Variants in TLN2 observed in about 807,000 individuals in gnomAD.
TLN2 encodes the protein talin 2.
TLN2 carries 118 observed loss-of-function variants against 294.7 expected under a neutral mutation model. That is an observed-to-expected ratio of 0.40 (90% CI 0.34 to 0.47). TLN2 has a LOEUF of 0.47. Among genes scored for constraint, TLN2 ranks in the 20% least tolerant of loss-of-function variants. The probability of loss-of-function intolerance (pLI) is 0.84; values close to 1 mark genes in which losing one functional copy is unlikely to be tolerated. For synonymous variants in TLN2, 1,431 were observed against 1,304.5 expected (o/e 1.10, Z -2.09); for missense variants, 3,083 against 3,282.2 (o/e 0.94, Z 1.48).
chr15:62,820,065 C>G (rs900316090), intron 53 of TLN2, among the ~76,000 whole-genome samples: 1 of 152,186 alleles, frequency 6.6e-6, no homozygotes, highest in Non-Finnish European at 1.5e-5. Context: ...ATTTCCTTTA[C>G]TTTGAATTAA....
At chr15:62,732,098 G>C (rs2060761674) in intron 28 of TLN2, among the ~76,000 whole-genome samples, 1 of 152,152 alleles carries the variant, frequency 6.6e-6, no homozygotes, top group Admixed American at 6.5e-5. Context: ...AGCATTCTAG[G>C]AGGAGGAAAG....
chr15:62,697,797 G>T lies in TLN2; in HGVS notation c.1402G>T (p.Val468Phe), dbSNP rs200753658. The T allele has an allele frequency of 1.1e-5, 17 of 1,612,592 alleles. No individual in the cohort carries two copies. Among genetic ancestry groups the T allele is most frequent in the Non-Finnish European group, 2.5e-6 (3 of 1,179,688 alleles). ...CTCCAGCGGGCCTGAGACCTTCAAC[G>T]TTGGCAGCATGCCCTCGCCACAGCA... Reference protein sequence around the residue: ...SGSSGPETFNVGSMPSPQQQV... With the variant: ...SGSSGPETFNFGSMPSPQQQV... The change falls in exon 15 of 59, where the codon GTT becomes TTT. Residue 468 changes from valine to phenylalanine, a missense_variant. Physicochemically the swap from Val to Phe is conservative, Grantham distance 50. Coordinates refer to ENST00000636159, the MANE Select transcript of TLN2 (RefSeq NM_015059.3).
rs148665697 is a variant in TLN2 at position 62,697,778 on chromosome 15, C to T, written c.1383C>T (p.Ser461=). 1.6e-5 allele frequency: 25 copies of T among 1,612,632 alleles called. No individual in the cohort carries two copies. Among genetic ancestry groups the T allele is most frequent in the East Asian group, 6.7e-5 (3 of 44,778 alleles). ...ALPAVMRSGS[S]GPETFNVGSM... is the part of the protein sequence containing the mutation. ...CGGCCGTGATGCGCTCGGGCTCCAG[C>T]GGGCCTGAGACCTTCAACGTTGGCA... The change falls in exon 15 of 59, where the codon AGC becomes AGT. Residue 461 remains serine, a synonymous_variant. Transcript: ENST00000636159.
intron 1 of TLN2, among the ~76,000 whole-genome samples, chr15:62,397,878 A>G (rs967456540): frequency 5.9e-5 from 9 of 152,114 alleles, no homozygotes; most frequent in African/African-American, 2.2e-4. Flanking sequence ...GTTTCTTTCC[A>G]TCCAATCCCT....
At chr15:62,525,464 C>G (rs896627452) in intron 1 of TLN2, among the ~76,000 whole-genome samples, 2 of 152,230 alleles carry the variant, frequency 1.3e-5, no homozygotes, top group African/African-American at 4.8e-5. Context: ...CCCCTGGGGA[C>G]AACCATACCC....
rs139289646 is a variant in TLN2, at chr15:62,642,598, G to A, written c.-36-4677G>A. ...TTCAGTGGATGTAAATTTCTCACAA[G>A]TGTGGAAAATACACACTCATCTTTA... On this transcript the variant is annotated intron_variant, in intron 3 of 58. Coordinates refer to ENST00000636159, the MANE Select transcript of TLN2 (RefSeq NM_015059.3). 2.4e-4 allele frequency among the ~76,000 whole-genome samples: 36 copies of A among 152,128 alleles called. No homozygotes were observed. The East Asian group carries it at 7.0e-3, about 29-fold the overall frequency.
chr15:62,729,582 T>C (rs2060610330), intron 28 of TLN2, among the ~76,000 whole-genome samples: 1 of 152,212 alleles, frequency 6.6e-6, no homozygotes, highest in Non-Finnish European at 1.5e-5. Flanking sequence ...GTGCATGACA[T>C]ACCTTTTTTC....
chr15:62,764,737 C>T (rs529235314), intron 40 of TLN2, among the ~76,000 whole-genome samples: 4 of 152,088 alleles, frequency 2.6e-5, no homozygotes, highest in African/African-American at 4.8e-5. Context: ...GAGGCTGAGG[C>T]GGATGGATCA....
Position 62,738,460 on chromosome 15 carries a change from G to T in TLN2, c.3687+127G>T, listed in dbSNP as rs193274242. ...TTCCTTTAGGAGTCCTGTTTTTCCC[G>T]CCAGTCTTTGTTTTCCATGTTTTGC... On this transcript the variant is annotated intron_variant, in intron 30 of 58. Coordinates refer to ENST00000636159, the MANE Select transcript of TLN2 (RefSeq NM_015059.3). 1.7e-5 allele frequency: 22 copies of T among 1,268,674 alleles called. No individual in the cohort carries two copies. In the South Asian group the frequency reaches 3.5e-4, roughly 20 times the overall value. 78.6% of individuals were successfully genotyped at this position (1,268,674 alleles called of 1,614,324 possible).
Position 62,400,240 on chromosome 15 carries a change from C to A in TLN2, c.-238+9555C>A, listed in dbSNP as rs141376442. 3.6e-3 allele frequency among the ~76,000 whole-genome samples: 552 copies of A among 152,306 alleles called. 1 individual carries two copies. Among genetic ancestry groups the A allele is most frequent in the Non-Finnish European group, 5.3e-3 (358 of 68,024 alleles). On this transcript the variant is annotated intron_variant, in intron 1 of 58. Coordinates refer to ENST00000636159, the MANE Select transcript of TLN2 (RefSeq NM_015059.3). ...TTGTAAGTTTCCTCAGACCTCCCCA[C>A]CATGCTGAACTGTGACTCAATATAC...
chr15:62,626,522 T>C (rs994113740), intron 3 of TLN2, among the ~76,000 whole-genome samples: 1 of 152,218 alleles, frequency 6.6e-6, no homozygotes, highest in Non-Finnish European at 1.5e-5. Flanking sequence ...TAATTGTAAT[T>C]ATATCCTCAA....
At chr15:62,557,311 T>A (rs2042661252) in intron 1 of TLN2, among the ~76,000 whole-genome samples, 1 of 152,162 alleles carries the variant, frequency 6.6e-6, no homozygotes, top group South Asian at 2.1e-4. Flanking sequence ...TGAGAAAATC[T>A]TCACTAATTG....
chr15:62,562,508 G>A (rs1024996820), intron 1 of TLN2, among the ~76,000 whole-genome samples: 2 of 150,896 alleles, frequency 1.3e-5, no homozygotes, highest in Non-Finnish European at 2.9e-5. Context: ...GCCCCTTCTA[G>A]CCTTCCTGAA....
At chr15:62,425,300 AG>A (rs2034648040) in intron 1 of TLN2, among the ~76,000 whole-genome samples, 1 of 151,218 alleles carries the variant, frequency 6.6e-6, no homozygotes. Context: ...TGCTGCTGCT[AG>A]GGGATGAGCA....
chr15:62,417,257 C>T (rs988133236), intron 1 of TLN2, among the ~76,000 whole-genome samples: 5 of 152,196 alleles, frequency 3.3e-5, no homozygotes, highest in Non-Finnish European at 7.3e-5. Flanking sequence ...CTGTCGCCCT[C>T]TCCAGCGTGC....
chr15:62,684,798 A>G lies in TLN2; in HGVS notation c.958-1843A>G, dbSNP rs111757775. The stretch of plus-strand genomic sequence containing the variant: ...CACCACTGTTGGCTTTGGTCTCTTC[A>G]CTTGCAAAGTGAAAAATGATGATAC... On this transcript the variant is annotated intron_variant, in intron 11 of 58. Transcript: ENST00000636159. 2.0e-5 allele frequency among the ~76,000 whole-genome samples: 3 copies of G among 151,562 alleles called. 1 individual carries two copies. Among genetic ancestry groups the G allele is most frequent in the African/African-American group, 7.3e-5 (3 of 41,284 alleles).
At chr15:62,434,898 A>T (rs1476916003) in intron 1 of TLN2, among the ~76,000 whole-genome samples, 1 of 152,218 alleles carries the variant, frequency 6.6e-6, no homozygotes, top group Non-Finnish European at 1.5e-5. Flanking sequence ...AGCATCCATT[A>T]GCTATTCTTT....
chr15:62,432,501 T>C (rs747494144), intron 1 of TLN2, among the ~76,000 whole-genome samples: 20 of 152,206 alleles, frequency 1.3e-4, no homozygotes, highest in Non-Finnish European at 2.5e-4. Context: ...CTCTCAACAC[T>C]GTTGCATTGG....
intron 35 of TLN2, among the ~76,000 whole-genome samples, chr15:62,753,163 G>A (rs1242535274): frequency 2.7e-4 from 41 of 152,100 alleles, no homozygotes; most frequent in Admixed American, 2.7e-3. Flanking sequence ...CCCTTCCCTT[G>A]TGCCCTCTTG....
Sources: gnomAD v4.1 joint callset for allele counts (sites outside exome capture counted in the v4.1 genomes callset) on GRCh38, gnomAD v4.1.1 for gene constraint, MANE v1.5 for transcripts, NCBI Gene and HGNC (gene_info 2026-07-23, HGNC 2026-07-21) for gene names.